Variants in RBM34 observed in about 807,000 individuals in gnomAD.
The protein encoded by RBM34 is RNA-binding protein 34.
RBM34 carries 39 observed loss-of-function variants against 44.6 expected under a neutral mutation model. That is an observed-to-expected ratio of 0.87 (90% CI 0.68 to 1.14). RBM34 has a LOEUF of 1.14. RBM34 is among the 50% of genes most tolerant of loss of function. The pLI is 0.00. For synonymous variants in RBM34, 194 were observed against 184.0 expected, an observed-to-expected ratio of 1.05 and a Z score of -0.44; for missense variants, 572 against 517.9, an observed-to-expected ratio of 1.10 and a Z score of -1.01.
intron 8 of RBM34, among the ~76,000 whole-genome samples, chr1:235,136,731 T>C (rs1419271559): frequency 6.6e-6 from 1 of 152,222 alleles, no homozygotes; most frequent in East Asian, 1.9e-4. Context: ...ACTCTTAGTT[T>C]AAATTTTTAG....
At chr1:235,148,277 C>T in intron 6 of RBM34, 127 bp downstream of exon 6, 2 of 566,140 alleles carry the variant, frequency 3.5e-6, no homozygotes, top group East Asian at 3.5e-5. Context: ...CAGAAGCAAA[C>T]AGTCAATCAT....
intron 3 of RBM34, among the ~76,000 whole-genome samples, chr1:235,157,200 A>T (rs930812129): frequency 1.3e-5 from 2 of 152,208 alleles, no homozygotes; most frequent in African/African-American, 4.8e-5. Flanking sequence ...AGATAATTAG[A>T]AAGAGGATAA....
chr1:235,152,683 T>C, intron 5 of RBM34, 23 bp downstream of exon 5: 2 of 1,595,584 alleles, frequency 1.3e-6, no homozygotes, highest in Non-Finnish European at 1.7e-6. Flanking sequence ...TATTATGTAA[T>C]TTTACGGGGG....
intron 3 of RBM34, chr1:235,160,071 T>C (rs1252684258): frequency 7.1e-6 from 2 of 281,156 alleles, no homozygotes; most frequent in Non-Finnish European, 1.4e-5. Context: ...CTGGCCAACA[T>C]GGTGAAACCC....
intron 10 of RBM34, among the ~76,000 whole-genome samples, chr1:235,133,476 AAAC>A (rs1661296025): frequency 6.6e-6 from 1 of 152,266 alleles, no homozygotes; most frequent in Admixed American, 6.5e-5. Context: ...ACATAACAGA[AAAC>A]AACATAAAAT....
intron 9 of RBM34, 51 bp downstream of exon 9, chr1:235,135,983 C>G: frequency 7.0e-7 from 1 of 1,428,674 alleles, no homozygotes; most frequent in Non-Finnish European, 9.6e-7. Flanking sequence ...GTTCTTATTT[C>G]CTTGTTATTT....
chr1:235,144,127 T>C (rs1475200713), intron 6 of RBM34, among the ~76,000 whole-genome samples: 3 of 151,840 alleles, frequency 2.0e-5, no homozygotes, highest in South Asian at 2.1e-4. Flanking sequence ...CGTGAGCCAT[T>C]ATCGTGCCAC....
chr1:235,147,226 G>A (rs140664900), intron 6 of RBM34, among the ~76,000 whole-genome samples: 295 of 152,316 alleles, frequency 1.9e-3, no homozygotes, highest in Non-Finnish European at 3.4e-3. Context: ...GCAAGAGCTT[G>A]TATGTTAAAA....
At chr1:235,141,111 T>C (rs961493915) in intron 6 of RBM34, among the ~76,000 whole-genome samples, 2 of 150,826 alleles carry the variant, frequency 1.3e-5, no homozygotes, top group African/African-American at 2.5e-5. Context: ...ACTCTGTATC[T>C]AGCTCAAGGT....
chr1:235,146,096 G>A (rs1295027044), intron 6 of RBM34, among the ~76,000 whole-genome samples: 1 of 150,830 alleles, frequency 6.6e-6, no homozygotes, highest in African/African-American at 2.4e-5. Flanking sequence ...CCAAGCAGCT[G>A]GGACTACAGT....
intron 10 of RBM34, among the ~76,000 whole-genome samples, chr1:235,133,505 T>C (rs1289627672): frequency 6.6e-6 from 1 of 152,166 alleles, no homozygotes; most frequent in Admixed American, 6.5e-5. Context: ...GTAAATATAA[T>C]TTAAGTTCAC....
intron 6 of RBM34, among the ~76,000 whole-genome samples, chr1:235,140,979 G>T (rs891578017): frequency 6.8e-6 from 1 of 147,298 alleles, no homozygotes; most frequent in East Asian, 2.0e-4. Context: ...CACACCAATC[G>T]GCACCCTGTG....
At chr1:235,152,796 T>A in intron 4 of RBM34, 31 bp from the exon 5 acceptor site, 2 of 1,505,794 alleles carry the variant, frequency 1.3e-6, no homozygotes, top group Non-Finnish European at 1.8e-6. Context: ...ACACATTAGC[T>A]GACCTTCAGA....
At position 235,138,136 on chromosome 1, in the gene RBM34, T is replaced by C; in HGVS notation, c.740A>G (p.Tyr247Cys). Residue 247 changes from tyrosine (Y) to cysteine (C), a missense_variant, in exon 7 of 11, where the codon TAT (tyrosine) becomes TGT (cysteine). Transcript: ENST00000408888. ...IHPDQKNINA[Y>C]VVFKEESAAT... ...AGCACTCTCCTCCTTAAACACAACA[T>C]AGGCATTAATATTTTTCTGATCAGG... 6.2e-7 allele frequency: 1 copy of C among 1,604,398 alleles called. No homozygotes were observed. Among genetic ancestry groups the C allele is most frequent in the East Asian group, 2.2e-5 (1 of 44,746 alleles).
Position 235,161,063 on chromosome 1 carries a change from T to A in RBM34, c.58A>T (p.Asn20Tyr), listed in dbSNP as rs748965587. ...CTCCCGCGAACGCCGTCGTCAGGAT[T>A]CTCTCTAGAAATGGACGACAGAAAC... ...KRKRSVQEGENPDDGVRGSPP... is the reference protein window; with the variant it reads ...KRKRSVQEGEYPDDGVRGSPP... Residue 20 changes from asparagine (N) to tyrosine (Y), a missense_variant, in exon 2 of 11, where the codon AAT becomes TAT. Asn to Tyr is a moderately radical substitution (Grantham distance 143). Transcript: ENST00000408888. 2.5e-6 allele frequency: 4 copies of A among 1,613,608 alleles called. No individual in the cohort carries two copies. The South Asian group carries it at 3.3e-5, about 13-fold the overall frequency.
intron 3 of RBM34, chr1:235,160,126 G>GT: frequency 2.9e-6 from 1 of 350,010 alleles, no homozygotes; most frequent in South Asian, 2.3e-5. Context: ...TGGTGACGCA[G>GT]GCCTGTAGTC....
intron 5 of RBM34, 172 bp downstream of exon 5, chr1:235,152,534 A>C: frequency 1.5e-6 from 2 of 1,339,718 alleles, no homozygotes; most frequent in Non-Finnish European, 1.9e-6. Flanking sequence ...TTATTTAAAA[A>C]GTTCAAGAGT....
chr1:235,136,175 AC>A, intron 8 of RBM34, 102 bp from the exon 9 acceptor site: 1 of 917,686 alleles, frequency 1.1e-6, no homozygotes, highest in Non-Finnish European at 1.7e-6. Context: ...CTGACAGGTC[AC>A]CCATCTTCTA....
chr1:235,159,447 C>T (rs1172305642), intron 3 of RBM34, among the ~76,000 whole-genome samples: 1 of 150,786 alleles, frequency 6.6e-6, no homozygotes, highest in African/African-American at 2.4e-5. Context: ...GCTCAGTAGG[C>T]TGAGGCAGAA....
Sources: allele counts gnomAD v4.1 joint callset (sites outside exome capture counted in the v4.1 genomes callset), GRCh38; gene constraint gnomAD v4.1.1; transcripts MANE v1.5; gene names NCBI Gene and HGNC (gene_info 2026-07-23, HGNC 2026-07-21).